SYNE1: variants seen among roughly 807,000 people sequenced by gnomAD.
SYNE1 encodes spectrin repeat containing nuclear envelope protein 1, also known as nesprin-1.
Under a neutral mutation model 1,111.0 loss-of-function variants are expected in SYNE1, and 616 were observed. That is an observed-to-expected ratio of 0.55 (90% confidence interval 0.52 to 0.59). The LOEUF (loss-of-function observed/expected upper bound fraction) is 0.59, where lower values mean the gene tolerates loss of function less well. Ranked by LOEUF, SYNE1 falls within the 20% of genes least tolerant of loss-of-function variation. The probability of loss-of-function intolerance (pLI) is 0.00; values close to 1 mark genes in which losing one functional copy is unlikely to be tolerated. For missense variants in SYNE1, 10,006 were observed against 10,417.0 expected (o/e 0.96, Z 1.72); for synonymous variants, 3,855 against 3,825.8 (o/e 1.01, Z -0.28).
At chr6:152,430,358 CAT>C in intron 35 of SYNE1, 122 bp downstream of exon 35, 1 of 1,138,690 alleles carries the variant, frequency 8.8e-7, no homozygotes, top group Non-Finnish European at 1.3e-6. Flanking sequence ...CTAAAATCAA[CAT>C]GTCCCATTAT....
intron 3 of SYNE1, among the ~76,000 whole-genome samples, chr6:152,623,085 C>T (rs956872276): frequency 3.3e-5 from 5 of 152,002 alleles, no homozygotes; most frequent in Non-Finnish European, 7.4e-5. Flanking sequence ...CATCATGCTA[C>T]CCAACTTCAA....
At chr6:152,474,380 T>C (rs140082923) in intron 14 of SYNE1, among the ~76,000 whole-genome samples, 18 of 152,234 alleles carry the variant, frequency 1.2e-4, no homozygotes, top group African/African-American at 4.3e-4. Flanking sequence ...CACAGACCTG[T>C]AGGCAAAAAA....
intron 53 of SYNE1, among the ~76,000 whole-genome samples, chr6:152,388,536 CA>C (rs1354816020): frequency 1.3e-5 from 2 of 152,150 alleles, no homozygotes; most frequent in African/African-American, 4.8e-5. Flanking sequence ...TAGGCTTAAG[CA>C]ATCTGCCTAA....
intron 4 of SYNE1, among the ~76,000 whole-genome samples, chr6:152,536,442 T>TAC (rs1208383766): frequency 2.9e-5 from 4 of 139,814 alleles, no homozygotes; most frequent in African/African-American, 1.1e-4. Flanking sequence ...TAACTATATA[T>TAC]AGTAATATAT....
chr6:152,625,727 G>T (rs2099684385), intron 3 of SYNE1, among the ~76,000 whole-genome samples: 1 of 152,134 alleles, frequency 6.6e-6, no homozygotes. Flanking sequence ...AGCACAGAGT[G>T]TACAAAACTA....
At chr6:152,134,092 CATA>C (rs2056496116) in intron 142 of SYNE1, 1 of 154,718 alleles carries the variant, frequency 6.5e-6, no homozygotes, top group East Asian at 1.9e-4. Flanking sequence ...CTACAAAGTG[CATA>C]ATATTTTCTT....
chr6:152,209,571 G>A (rs901428664), intron 124 of SYNE1, among the ~76,000 whole-genome samples: 8 of 151,948 alleles, frequency 5.3e-5, no homozygotes, highest in African/African-American at 1.5e-4. Flanking sequence ...CCAACATGGC[G>A]AAATCCCATC....
At chr6:152,277,900 T>A (rs1229698976) in intron 98 of SYNE1, 189 bp downstream of exon 98, 1 of 717,700 alleles carries the variant, frequency 1.4e-6, no homozygotes, top group African/African-American at 1.7e-5. Context: ...CCTAACAAAA[T>A]CTATTTGCAA....
intron 98 of SYNE1, among the ~76,000 whole-genome samples, chr6:152,274,980 G>T (rs915582741): frequency 6.6e-6 from 1 of 152,118 alleles, no homozygotes; most frequent in Non-Finnish European, 1.5e-5. Flanking sequence ...TCAACCACCT[G>T]GGCTTAAGGG....
chr6:152,556,513 C>A (rs987207042), intron 3 of SYNE1, among the ~76,000 whole-genome samples: 1 of 152,170 alleles, frequency 6.6e-6, no homozygotes, highest in Non-Finnish European at 1.5e-5. Context: ...ACAGGATGAC[C>A]CCCATGAACT....
At chr6:152,399,972 T>C (rs2097787727) in intron 47 of SYNE1, 149 bp from the exon 48 acceptor site, 2 of 907,300 alleles carry the variant, frequency 2.2e-6, no homozygotes, top group Non-Finnish European at 3.4e-6. Context: ...TGAGTACTTG[T>C]ACTAGATCTG....
At chr6:152,490,834 C>T (rs928826017) in intron 11 of SYNE1, among the ~76,000 whole-genome samples, 4 of 152,178 alleles carry the variant, frequency 2.6e-5, no homozygotes, top group African/African-American at 9.7e-5. Flanking sequence ...CCACCTATGA[C>T]CTTGGGTCCT....
intron 131 of SYNE1, among the ~76,000 whole-genome samples, chr6:152,161,038 A>G (rs2152994098): frequency 6.6e-6 from 1 of 151,792 alleles, no homozygotes; most frequent in Non-Finnish European, 1.5e-5. Flanking sequence ...GAAAAATAGG[A>G]GAGAAATATA....
intron 3 of SYNE1, among the ~76,000 whole-genome samples, chr6:152,549,228 G>T (rs1317805521): frequency 6.6e-6 from 1 of 152,162 alleles, no homozygotes; most frequent in African/African-American, 2.4e-5. Flanking sequence ...CTTGTAGGAA[G>T]AAAGCATTTT....
intron 21 of SYNE1, among the ~76,000 whole-genome samples, chr6:152,459,961 A>G (rs919313438): frequency 6.6e-6 from 1 of 151,386 alleles, no homozygotes; most frequent in African/African-American, 2.5e-5. Context: ...GAAAGTTACC[A>G]TCCTGCTACT....
chr6:152,554,201 TTAAACAGTCCCAG>T (rs1322548655), intron 3 of SYNE1, among the ~76,000 whole-genome samples: 1 of 151,928 alleles, frequency 6.6e-6, no homozygotes, highest in Non-Finnish European at 1.5e-5. Context: ...CTCTAAAAAT[TTAAACAGTCCCAG>T]TAACAATGAG....
At chr6:152,332,006 TG>T (rs1251513274) in intron 77 of SYNE1, 116 bp from the exon 78 acceptor site, 1 of 1,467,470 alleles carries the variant, frequency 6.8e-7, no homozygotes, top group African/African-American at 1.4e-5. Context: ...GTTTTGCTCT[TG>T]TTTCCCAGGC....
intron 97 of SYNE1, among the ~76,000 whole-genome samples, chr6:152,281,596 C>A (rs533448120): frequency 6.6e-6 from 1 of 152,280 alleles, no homozygotes; most frequent in East Asian, 1.9e-4. Flanking sequence ...AAGCCGGAGA[C>A]ACTGTGGTCA....
At chr6:152,189,171 G>T in intron 128 of SYNE1, 81 bp downstream of exon 128, 2 of 1,487,300 alleles carry the variant, frequency 1.3e-6, no homozygotes, top group Non-Finnish European at 1.9e-6. Flanking sequence ...GGGTCCACAT[G>T]TGGGTTAACC....
Sources: allele counts gnomAD v4.1 joint callset (sites outside exome capture counted in the v4.1 genomes callset), GRCh38; gene constraint gnomAD v4.1.1; transcripts MANE v1.5; gene names NCBI Gene and HGNC (gene_info 2026-07-23, HGNC 2026-07-21).